The following C12orf42 variants were observed in gnomAD, a reference collection of about 807,000 sequenced individuals.
C12orf42 encodes the protein chromosome 12 open reading frame 42.
C12orf42 carries 25 observed loss-of-function variants against 21.6 expected under a neutral mutation model. The observed-to-expected ratio is 1.16, with a 90% CI of 0.84 to 1.62. The LOEUF (loss-of-function observed/expected upper bound fraction) is 1.62, where lower values mean the gene tolerates loss of function less well. Among genes scored for constraint, C12orf42 ranks in the 40% most tolerant of loss-of-function variants. The pLI, the probability that C12orf42 is intolerant of heterozygous loss-of-function variation, is 0.00. For synonymous variants in C12orf42, 174 were observed against 175.0 expected (o/e 0.99, Z 0.05); for missense variants, 483 against 459.3 (o/e 1.05, Z -0.47).
chr12:103,229,935 G>A, the C12orf42 span, among the ~76,000 whole-genome samples: 1 of 152,158 alleles, frequency 6.6e-6, no homozygotes, highest in Non-Finnish European at 1.5e-5. Context: ...TGAGAGTTTT[G>A]AGGCATACCC....
chr12:103,266,341 C>A (rs531146988), downstream of C12orf42, among the ~76,000 whole-genome samples: 1 of 152,164 alleles, frequency 6.6e-6, no homozygotes, highest in Non-Finnish European at 1.5e-5. Flanking sequence ...GTGGATGGCC[C>A]AGCCCTGGAC....
the C12orf42 span, among the ~76,000 whole-genome samples, chr12:103,526,516 A>G: frequency 1.3e-5 from 2 of 152,212 alleles, no homozygotes; most frequent in African/African-American, 4.8e-5. Context: ...GGTGTATATG[A>G]TTAGTCCCAT....
intron 3 of C12orf42, among the ~76,000 whole-genome samples, chr12:103,397,404 C>T (rs2138603817): frequency 6.6e-6 from 1 of 152,330 alleles, no homozygotes; most frequent in Non-Finnish European, 1.5e-5. Flanking sequence ...CAAGCATTAT[C>T]ACCTGATCTC....
At position 103,486,389 on chromosome 12, in the gene C12orf42, G is replaced by A. The variant is rs1401774860; in HGVS notation, c.-21-7942C>T. ...ATTCGGTTTGCCAGTATTTTATTGAGGATTTTTGCATCAATGTCCATCAGG... is the reference window on the plus strand; with the variant it reads ...ATTCGGTTTGCCAGTATTTTATTGAAGATTTTTGCATCAATGTCCATCAGG... On this transcript the variant is annotated intron_variant, in intron 1 of 5. Transcript: ENST00000548883. Among the ~76,000 whole-genome samples, 6 of 152,038 alleles carry A rather than the reference G, an allele frequency of 3.9e-5. No individual in the cohort carries two copies. In the East Asian group the frequency reaches 1.2e-3, roughly 29 times the overall value.
chr12:103,560,052 A>G, the C12orf42 span, among the ~76,000 whole-genome samples: 12 of 152,360 alleles, frequency 7.9e-5, no homozygotes, highest in Non-Finnish European at 1.8e-4. Context: ...AGTAATTTAT[A>G]GAAAATGTAG....
chr12:103,543,374 C>T, the C12orf42 span, among the ~76,000 whole-genome samples: 7 of 152,218 alleles, frequency 4.6e-5, no homozygotes, highest in Middle Eastern at 6.8e-3. Flanking sequence ...TCTGGGAAGA[C>T]GAGGCAGGAG....
the C12orf42 span, among the ~76,000 whole-genome samples, chr12:103,179,434 A>C: frequency 6.6e-6 from 1 of 152,206 alleles, no homozygotes; most frequent in Non-Finnish European, 1.5e-5. Flanking sequence ...AAACCAATTA[A>C]CCAAGTGAGA....
At chr12:103,453,139 C>A (rs1305736503) in intron 2 of C12orf42, among the ~76,000 whole-genome samples, 10 of 151,912 alleles carry the variant, frequency 6.6e-5, no homozygotes, top group African/African-American at 2.2e-4. Flanking sequence ...GTATAACTCT[C>A]CCATAAAAGA....
At chr12:103,214,180 C>G in the C12orf42 span, among the ~76,000 whole-genome samples, 1 of 152,196 alleles carries the variant, frequency 6.6e-6, no homozygotes, top group Non-Finnish European at 1.5e-5. Flanking sequence ...AATAATTACA[C>G]TATAGCTTCC....
At chr12:103,269,439 A>T (rs1271789507) in intron 6 of C12orf42, among the ~76,000 whole-genome samples, 1 of 152,154 alleles carries the variant, frequency 6.6e-6, no homozygotes, top group African/African-American at 2.4e-5. Flanking sequence ...TCAGAAGAAT[A>T]AAAAGAATAA....
At chr12:103,192,084 A>G in the C12orf42 span, among the ~76,000 whole-genome samples, 4 of 152,214 alleles carry the variant, frequency 2.6e-5, no homozygotes, top group African/African-American at 9.6e-5. Flanking sequence ...AAGAACACAA[A>G]CAGACAAAAA....
At chr12:103,125,005 T>C in the C12orf42 span, among the ~76,000 whole-genome samples, 1 of 152,196 alleles carries the variant, frequency 6.6e-6, no homozygotes, top group Non-Finnish European at 1.5e-5. Flanking sequence ...TATAGACTGA[T>C]ATTTGAGAGT....
chr12:103,200,090 TA>T, the C12orf42 span, among the ~76,000 whole-genome samples: 1 of 151,984 alleles, frequency 6.6e-6, no homozygotes, highest in Non-Finnish European at 1.5e-5. Flanking sequence ...AAATGTCCAT[TA>T]ACAGATGAAT....
At chr12:103,229,786 C>T in the C12orf42 span, among the ~76,000 whole-genome samples, 1 of 152,152 alleles carries the variant, frequency 6.6e-6, no homozygotes, top group East Asian at 1.9e-4. Flanking sequence ...GTTTCTCTAA[C>T]ATAGTATTCT....
At chr12:103,263,653 C>T (rs959236173), downstream of C12orf42, among the ~76,000 whole-genome samples, 2 of 152,158 alleles carry the variant, frequency 1.3e-5, no homozygotes, top group African/African-American at 2.4e-5. Context: ...CCCTAACCTG[C>T]ATTTGATACC....
intron 4 of C12orf42, among the ~76,000 whole-genome samples, chr12:103,284,468 G>A (rs1226134056): frequency 1.3e-5 from 2 of 152,148 alleles, no homozygotes; most frequent in Non-Finnish European, 2.9e-5. Flanking sequence ...GTAGCTCTCT[G>A]AGCCTGGTAG....
the C12orf42 span, among the ~76,000 whole-genome samples, chr12:103,068,511 T>C: frequency 6.6e-6 from 1 of 151,942 alleles, no homozygotes; most frequent in South Asian, 2.1e-4. Flanking sequence ...GTCAACCTGA[T>C]TGGATTGAAG....
At chr12:103,322,111 G>A (rs1030132784) in intron 4 of C12orf42, among the ~76,000 whole-genome samples, 6 of 65,062 alleles carry the variant, frequency 9.2e-5, no homozygotes, top group South Asian at 6.1e-4. Flanking sequence ...ACGCGCGTGC[G>A]TGCGCGCGCG....
the C12orf42 span, among the ~76,000 whole-genome samples, chr12:103,557,130 G>A: frequency 6.6e-6 from 1 of 152,026 alleles, no homozygotes; most frequent in Admixed American, 6.6e-5. Flanking sequence ...GTGTCCAAGA[G>A]GAAACGAAAC....
Sources: gnomAD v4.1 joint callset for allele counts (sites outside exome capture counted in the v4.1 genomes callset) on GRCh38, gnomAD v4.1.1 for gene constraint, MANE v1.5 for transcripts, NCBI Gene and HGNC (gene_info 2026-07-23, HGNC 2026-07-21) for gene names.